Variants in SELENON observed in about 807,000 individuals in gnomAD.
SELENON encodes selenoprotein N.
Under a neutral mutation model 59.5 loss-of-function variants are expected in SELENON, and 44 were observed. The observed-to-expected ratio is 0.74, with a 90% CI of 0.58 to 0.95. SELENON has a LOEUF of 0.95. Ranked by LOEUF, SELENON falls within the 40% of genes least tolerant of loss-of-function variation. The pLI is 0.00. For missense variants in SELENON, 674 were observed against 721.4 expected, an observed-to-expected ratio of 0.93 and a Z score of 0.75; for synonymous variants, 320 against 305.6, an observed-to-expected ratio of 1.05 and a Z score of -0.49.
Position 25,811,485 on chromosome 1 carries a change from G to A in SELENON, c.1042G>A (p.Gly348Arg), listed in dbSNP as rs374499583. 6.8e-6 allele frequency: 11 copies of A among 1,613,942 alleles called. No individual in the cohort carries two copies. The highest frequency in any genetic ancestry group is 6.7e-5 in the African/African-American group (5 of 74,936). ...GAATGTGGACATGGAGTGGCTTTAC[G>A]GGGCCAGTGAAAGCAGCAACATGGA... Residue 348 changes from glycine to arginine, a missense_variant, in exon 8 of 13, where the codon GGG (glycine) becomes AGG (arginine). Coordinates refer to ENST00000361547, the MANE Select transcript of SELENON (RefSeq NM_020451.3).
Position 25,811,804 on chromosome 1 carries a change from G to C in SELENON, c.1206G>C (p.Glu402Asp), listed in dbSNP as rs531510793. 1.2e-5 allele frequency: 19 copies of C among 1,587,784 alleles called. No homozygotes were observed. Among genetic ancestry groups the C allele is most frequent in the Non-Finnish European group, 1.6e-5 (19 of 1,167,218 alleles). ...AGCCCCTGCAGTTTGTGTTTGAGGAGATCAAGTGGCAGCAGGAGCTGAGCT... is the reference window on the plus strand; with the variant it reads ...AGCCCCTGCAGTTTGTGTTTGAGGACATCAAGTGGCAGCAGGAGCTGAGCT... The change falls in exon 9 of 13, where the codon GAG becomes GAC. Residue 402 changes from glutamate (E) to aspartate (D), a missense_variant. Glu to Asp is a conservative substitution (Grantham distance 45). Transcript: ENST00000361547.
At position 25,815,234 on chromosome 1, in the gene SELENON, C is replaced by A. The variant is rs187747333; in HGVS notation, c.1603-314C>A. On this transcript the variant is annotated intron_variant, in intron 12 of 12. Coordinates refer to ENST00000361547, the MANE Select transcript of SELENON (RefSeq NM_020451.3). ...GAGCACGGAGTTCAGGATGGGAGTCCGGGGTCACAGGAACAGAGGAGAGGG... is the reference window on the plus strand; with the variant it reads ...GAGCACGGAGTTCAGGATGGGAGTCAGGGGTCACAGGAACAGAGGAGAGGG... 9.3e-4 allele frequency among the ~76,000 whole-genome samples: 125 copies of A among 133,798 alleles called. 1 individual carries two copies. The highest frequency in any genetic ancestry group is 3.4e-3 in the African/African-American group (116 of 34,188). The allele number at this position is 133,798 out of a possible 152,430, so 87.8% of individuals were successfully genotyped here.
chr1:25,808,576 C>G lies in SELENON; in HGVS notation c.538-4C>G, dbSNP rs201712329. 5.0e-6 allele frequency: 8 copies of G among 1,613,400 alleles called. No homozygotes were observed. The African/African-American group carries it at 8.0e-5, about 16-fold the overall frequency. ...TCCTGGAGCTTTGCTTTCCCCCGCCCCAGGTCTCCCGCCTCGCCCTGTCCG... is the reference window on the plus strand; with the variant it reads ...TCCTGGAGCTTTGCTTTCCCCCGCCGCAGGTCTCCCGCCTCGCCCTGTCCG... On this transcript the variant is annotated splice_region_variant and splice_polypyrimidine_tract_variant and intron_variant, in intron 4 of 12. Coordinates refer to ENST00000361547, the MANE Select transcript of SELENON (RefSeq NM_020451.3).
At chr1:25,806,467 T>C (rs2047908282) in intron 4 of SELENON, among the ~76,000 whole-genome samples, 1 of 151,982 alleles carries the variant, frequency 6.6e-6, no homozygotes, top group South Asian at 2.1e-4. Flanking sequence ...GCCTGGAGGA[T>C]GCTGGGGAAG....
At chr1:25,813,795 G>A (rs2047986604) in intron 10 of SELENON, 86 bp from the exon 10 acceptor site, 8 of 948,568 alleles carry the variant, frequency 8.4e-6, no homozygotes, top group Non-Finnish European at 1.4e-5. Flanking sequence ...TGCAGAGACT[G>A]TCCTGCAGCC....
In SELENON at chr1:25,806,200, G is replaced by T. The variant is rs142157907; in HGVS notation, c.537+925G>T. Reference sequence around the variant, plus strand: ...GCAGTGGGTGTGTCTGGGCCCAGGGGGCATGCAGGACCCACACAGGGGCAT... The same window carrying T: ...GCAGTGGGTGTGTCTGGGCCCAGGGTGCATGCAGGACCCACACAGGGGCAT... On this transcript the variant is annotated intron_variant, in intron 4 of 12. Transcript: ENST00000361547. Among the ~76,000 whole-genome samples, 15 of 152,362 alleles carry T rather than the reference G, an allele frequency of 9.8e-5. No homozygotes were observed. The East Asian group carries it at 2.9e-3, about 29-fold the overall frequency.
chr1:25,807,419 G>A lies in SELENON; in HGVS notation c.538-1161G>A, dbSNP rs113309273. Among the ~76,000 whole-genome samples the A allele has an allele frequency of 0.022, 3,294 of 152,292 alleles. 120 individuals carry two copies. The highest frequency in any genetic ancestry group is 0.074 in the African/African-American group (3,087 of 41,548). ...AGGAGTCCAGGAAGTGGTCAAAACC[G>A]GTCTGACCTTCCACAAAAGGAGATG... On this transcript the variant is annotated intron_variant, in intron 4 of 12. Coordinates refer to ENST00000361547, the MANE Select transcript of SELENON (RefSeq NM_020451.3). This position sits in a 1 kb window ranked among gnomAD's most constrained non-coding sequence, Gnocchi z 4.5.
rs1392002080 is a variant in SELENON, at chr1:25,817,628, T to G, written c.*1910T>G. 6.6e-6 allele frequency: 1 copy of G among 152,232 alleles called. No homozygotes were observed. Among genetic ancestry groups the G allele is most frequent in the Non-Finnish European group, 1.5e-5 (1 of 68,052 alleles). The allele number at this position is 152,232 out of a possible 1,614,324, so 9.4% of individuals were successfully genotyped here. ...TCATTGTTCCCATCTTGATGAAACT[T>G]GAGTCTCAGGGAAGTGAAGTGACTT... On this transcript the variant is annotated 3_prime_UTR_variant, in exon 13 of 13. Coordinates refer to ENST00000361547, the MANE Select transcript of SELENON (RefSeq NM_020451.3).
rs530688713 is a variant in SELENON, at chr1:25,808,528, AC to A, written c.538-48del. 4.8e-4 allele frequency: 775 copies of A among 1,600,826 alleles called. 6 individuals are homozygous for A. In the Middle Eastern group the frequency reaches 9.6e-3, roughly 20 times the overall value. On this transcript the variant is annotated intron_variant, in intron 4 of 12. Coordinates refer to ENST00000361547, the MANE Select transcript of SELENON (RefSeq NM_020451.3). ...GACCTCCACCCACATGGTACAGGAG[AC>A]CCCGGAGTCAGGTTCTCAGATTCCT...
Position 25,800,333 on chromosome 1 carries a change from G to C in SELENON, c.103G>C (p.Gly35Arg), listed in dbSNP as rs398124359. 1.5e-4 allele frequency: 149 copies of C among 1,012,816 alleles called. 1 individual carries two copies. In the Middle Eastern group the frequency reaches 3.9e-3, roughly 27 times the overall value. The allele number at this position is 1,012,816 out of a possible 1,614,324, so 62.7% of individuals were successfully genotyped here. ...CCGCGCCCGTTCCCTGGCGCTGCTCGGAGCCCTGCTGGCCGCCGCCGCTGC... is the reference window on the plus strand; with the variant it reads ...CCGCGCCCGTTCCCTGGCGCTGCTCCGAGCCCTGCTGGCCGCCGCCGCTGC... Residue 35 changes from glycine to arginine, a missense_variant, in exon 1 of 13, where the codon GGA becomes CGA. Gly to Arg is a moderately radical substitution (Grantham distance 125). Transcript: ENST00000361547.
intron 2 of SELENON, among the ~76,000 whole-genome samples, chr1:25,801,621 C>T (rs7526383): frequency 0.037 from 5,662 of 152,236 alleles, 343 homozygotes; most frequent in African/African-American, 0.12. Context: ...CATCACACCA[C>T]TGCACTCCAG....
intron 2 of SELENON, 73 bp downstream of exon 2, chr1:25,801,233 G>C (rs528405252): frequency 2.6e-6 from 3 of 1,170,174 alleles, no homozygotes; most frequent in Non-Finnish European, 3.9e-6. Context: ...AGGAGCGGCC[G>C]TCTGGAGTGG....
In SELENON at chr1:25,815,588, C is replaced by G; in HGVS notation, c.1643C>G (p.Ser548Cys). 6.2e-7 allele frequency: 1 copy of G among 1,614,206 alleles called. No homozygotes were observed. The highest frequency in any genetic ancestry group is 8.5e-7 in the Non-Finnish European group (1 of 1,180,036). ...GCCAACTACTTCTTGGACATCACCT[C>G]CGTGAAGCCCGAGGAAATCGAGAGC... The change falls in exon 13 of 13, where the codon TCC becomes TGC. Residue 548 changes from serine to cysteine, a missense_variant. Physicochemically the swap from Ser to Cys is moderately radical, Grantham distance 112. Transcript: ENST00000361547.
intron 2 of SELENON, 47 bp downstream of exon 2, chr1:25,801,207 G>C: frequency 6.8e-7 from 1 of 1,467,724 alleles, no homozygotes; most frequent in Non-Finnish European, 9.6e-7. Flanking sequence ...CTTGGCCAAC[G>C]GTGTCTTCAC....
chr1:25,813,594 GA>G, intron 10 of SELENON: 1 of 496,648 alleles, frequency 2.0e-6, no homozygotes, highest in Non-Finnish European at 3.9e-6. Context: ...CAGCCTGTGT[GA>G]AGGCCCTGGG....
At position 25,800,319 on chromosome 1, in the gene SELENON, C is replaced by A; in HGVS notation, c.89C>A (p.Ser30Tyr). Residue 30 changes from serine to tyrosine, a missense_variant, in exon 1 of 13, where the codon TCC becomes TAC. Coordinates refer to ENST00000361547, the MANE Select transcript of SELENON (RefSeq NM_020451.3). ...GCGCCACCGCGCCGCCGCGCCCGTTCCCTGGCGCTGCTCGGAGCCCTGCTG... is the reference window on the plus strand; with the variant it reads ...GCGCCACCGCGCCGCCGCGCCCGTTACCTGGCGCTGCTCGGAGCCCTGCTG... The A allele has an allele frequency of 1.0e-6, 1 of 1,004,812 alleles. No individual in the cohort carries two copies. Among genetic ancestry groups the A allele is most frequent in the South Asian group, 4.2e-5 (1 of 24,074 alleles). 62.2% of individuals were successfully genotyped at this position (1,004,812 alleles called of 1,614,324 possible). A position where few individuals can be genotyped will look rare whatever the true frequency, so the allele number is the denominator to read the frequency against.
intron 9 of SELENON, 97 bp from the exon 9 acceptor site, chr1:25,812,590 C>T (rs1035264052): frequency 2.5e-6 from 2 of 788,904 alleles, no homozygotes; most frequent in Non-Finnish European, 2.1e-6. Flanking sequence ...CACACACACA[C>T]ACACACACAC....
chr1:25,809,048 G>A lies in SELENON; in HGVS notation c.770G>A (p.Ser257Asn), dbSNP rs1291132448. ...CAGGTCATCATCCACCGGCTCCTGA[G>A]CATGTTCCACCCTCGGCCCTTTGTG... is the stretch of plus-strand genomic sequence containing the variant. The change falls in exon 6 of 13, where the codon AGC becomes AAC. Residue 257 changes from serine to asparagine, a missense_variant. Coordinates refer to ENST00000361547, the MANE Select transcript of SELENON (RefSeq NM_020451.3). 1.2e-6 allele frequency: 2 copies of A among 1,613,796 alleles called. No homozygotes were observed. Among genetic ancestry groups the A allele is most frequent in the Admixed American group, 3.3e-5 (2 of 60,032 alleles).
chr1:25,818,093 C>A lies in SELENON; in HGVS notation c.*2375C>A, dbSNP rs573401331. ...CTTTCTGAGGCCTTATCTGATGCCT[C>A]TGCAGTTCATGTCCCCCACCAGGCC... On this transcript the variant is annotated 3_prime_UTR_variant, in exon 13 of 13. Coordinates refer to ENST00000361547, the MANE Select transcript of SELENON (RefSeq NM_020451.3). 2 of 152,562 alleles carry A rather than the reference C, an allele frequency of 1.3e-5. No homozygotes were observed. The highest frequency in any genetic ancestry group is 3.4e-3 in the Middle Eastern group (1 of 298). The allele number at this position is 152,562 out of a possible 1,614,324, so 9.5% of individuals were successfully genotyped here.
Sources: allele counts gnomAD v4.1 joint callset (sites outside exome capture counted in the v4.1 genomes callset), GRCh38; gene constraint gnomAD v4.1.1; non-coding constraint Gnocchi (gnomAD v3.1); transcripts MANE v1.5; gene names NCBI Gene and HGNC (gene_info 2026-07-23, HGNC 2026-07-21).